Variants in PTPRD observed in about 807,000 individuals in gnomAD.
PTPRD encodes protein tyrosine phosphatase receptor type D.
PTPRD carries 34 observed loss-of-function variants against 214.5 expected under a neutral mutation model. The observed-to-expected ratio is 0.16, with a 90% confidence interval of 0.12 to 0.21. The LOEUF is 0.21. PTPRD is among the 10% of genes least tolerant of loss of function. PTPRD has a pLI of 1.00. For synonymous variants in PTPRD, 1,128 were observed against 845.7 expected (o/e 1.33, Z -5.79); for missense variants, 2,545 against 2,398.7 (o/e 1.06, Z -1.27).
chr9:10,280,383 CACACACAT>C (rs2095033678), intron 3 of PTPRD, among the ~76,000 whole-genome samples: 1 of 148,214 alleles, frequency 6.7e-6, no homozygotes, highest in Non-Finnish European at 1.5e-5. Flanking sequence ...CACACACACA[CACACACAT>C]GTGAGACATA....
At chr9:9,174,593 T>C (rs2099923471) in intron 10 of PTPRD, among the ~76,000 whole-genome samples, 1 of 152,124 alleles carries the variant, frequency 6.6e-6, no homozygotes, top group Non-Finnish European at 1.5e-5. Context: ...GGTTTTAAAT[T>C]GTGTAATATG....
chr9:10,592,432 T>C (rs2132960765), intron 2 of PTPRD, among the ~76,000 whole-genome samples: 1 of 152,090 alleles, frequency 6.6e-6, no homozygotes, highest in African/African-American at 2.4e-5. Flanking sequence ...TGTTTCGTGA[T>C]GGGGAGAAGA....
chr9:10,206,433 G>A (rs932346962), intron 3 of PTPRD, among the ~76,000 whole-genome samples: 7 of 152,100 alleles, frequency 4.6e-5, no homozygotes, highest in Admixed American at 2.6e-4. Flanking sequence ...CCCCACTACT[G>A]ACATTATATA....
intron 3 of PTPRD, among the ~76,000 whole-genome samples, chr9:10,311,108 T>G (rs777829474): frequency 3.3e-5 from 5 of 151,994 alleles, no homozygotes; most frequent in Non-Finnish European, 5.9e-5. Context: ...TTTATTTTAC[T>G]TATGCTTTAC....
intron 6 of PTPRD, among the ~76,000 whole-genome samples, chr9:9,765,108 A>G (rs1056229248): frequency 6.6e-6 from 1 of 152,176 alleles, no homozygotes; most frequent in African/African-American, 2.4e-5. Flanking sequence ...TGGATATTCT[A>G]AAGTCACATT....
intron 2 of PTPRD, among the ~76,000 whole-genome samples, chr9:10,438,150 TTAAG>T (rs540560583): frequency 2.6e-5 from 4 of 151,158 alleles, no homozygotes; most frequent in African/African-American, 9.8e-5. Context: ...GGTCCATTTA[TTAAG>T]TAAGTCATTT....
intron 14 of PTPRD, among the ~76,000 whole-genome samples, chr9:8,589,254 A>G (rs1396039816): frequency 6.6e-6 from 1 of 152,206 alleles, no homozygotes; most frequent in African/African-American, 2.4e-5. Flanking sequence ...GAAGCTCAAC[A>G]TATACCCTTC....
intron 35 of PTPRD, among the ~76,000 whole-genome samples, chr9:8,425,750 T>C (rs1313277444): frequency 2.0e-5 from 3 of 152,170 alleles, no homozygotes; most frequent in African/African-American, 7.2e-5. Flanking sequence ...CTCCAGTAAA[T>C]GTTAAACAGA....
At chr9:10,302,046 A>T (rs2095876343) in intron 3 of PTPRD, among the ~76,000 whole-genome samples, 1 of 152,214 alleles carries the variant, frequency 6.6e-6, no homozygotes, top group South Asian at 2.1e-4. Flanking sequence ...CCACAAAGGG[A>T]AGCCCATCAA....
intron 5 of PTPRD, among the ~76,000 whole-genome samples, chr9:9,841,286 G>A (rs1234785235): frequency 6.6e-6 from 1 of 152,080 alleles, no homozygotes; most frequent in Non-Finnish European, 1.5e-5. Flanking sequence ...CAAAAAAGTT[G>A]AAGTGTAATG....
At chr9:8,770,584 A>G (rs763549635) in intron 11 of PTPRD, among the ~76,000 whole-genome samples, 1 of 152,190 alleles carries the variant, frequency 6.6e-6, no homozygotes, top group Non-Finnish European at 1.5e-5. Context: ...GCTTTCACTA[A>G]ATCCAAAATC....
At chr9:10,158,606 G>A (rs974440265) in intron 3 of PTPRD, among the ~76,000 whole-genome samples, 1 of 152,094 alleles carries the variant, frequency 6.6e-6, no homozygotes, top group African/African-American at 2.4e-5. Context: ...TTTAAAACCA[G>A]GGAGGAAACA....
At chr9:8,633,176 A>G in intron 14 of PTPRD, 141 bp downstream of exon 14, 1 of 1,045,328 alleles carries the variant, frequency 9.6e-7, no homozygotes, top group Non-Finnish European at 1.4e-6. Flanking sequence ...TCCACTGTCT[A>G]ATTAAAGTTC....
chr9:9,649,749 T>C (rs148521887), intron 7 of PTPRD, among the ~76,000 whole-genome samples: 93 of 152,322 alleles, frequency 6.1e-4, no homozygotes, highest in African/African-American at 2.0e-3. Context: ...ATTACAGATA[T>C]ATTTACCTGA....
At position 10,494,625 on chromosome 9, in the gene PTPRD, C is replaced by CT. The variant is rs530008757; in HGVS notation, c.-600+117772dup. Among the ~76,000 whole-genome samples, 485 of 135,656 alleles carry CT rather than the reference C, an allele frequency of 3.6e-3. 4 individuals carry two copies. The highest frequency in any genetic ancestry group is 0.011 in the African/African-American group (422 of 37,288). The allele number at this position is 135,656 out of a possible 152,430, so 89.0% of individuals were successfully genotyped here. ...TTAGGTCTTTTCTCTCAGTCTGGGG[C>CT]TTTTTTTTTTTCACTCTAACAAATT... On this transcript the variant is annotated intron_variant, in intron 2 of 45. Coordinates refer to ENST00000381196, the MANE Select transcript of PTPRD (RefSeq NM_002839.4).
At chr9:9,716,095 T>C (rs983233919) in intron 7 of PTPRD, among the ~76,000 whole-genome samples, 3 of 150,626 alleles carry the variant, frequency 2.0e-5, no homozygotes, top group East Asian at 2.0e-4. Flanking sequence ...TGAGTGAGAA[T>C]ATGCGGTGTT....
At chr9:9,739,461 A>C (rs112083367) in intron 6 of PTPRD, among the ~76,000 whole-genome samples, 1 of 152,206 alleles carries the variant, frequency 6.6e-6, no homozygotes, top group African/African-American at 2.4e-5. Context: ...TTTTTCTAGA[A>C]ATTTTATTCA....
intron 3 of PTPRD, among the ~76,000 whole-genome samples, chr9:10,113,213 G>C (rs1449836202): frequency 6.6e-6 from 1 of 152,172 alleles, no homozygotes; most frequent in East Asian, 1.9e-4. Flanking sequence ...AACAGGAACT[G>C]TTTCCAGTGC....
chr9:8,716,291 T>C (rs748767650), intron 12 of PTPRD, among the ~76,000 whole-genome samples: 6 of 152,222 alleles, frequency 3.9e-5, no homozygotes, highest in African/African-American at 1.2e-4. Flanking sequence ...GAATAATTCA[T>C]CATCCCAAAT....
Sources: gnomAD v4.1 joint callset for allele counts (sites outside exome capture counted in the v4.1 genomes callset) on GRCh38, gnomAD v4.1.1 for gene constraint, MANE v1.5 for transcripts, NCBI Gene and HGNC (gene_info 2026-07-23, HGNC 2026-07-21) for gene names.